The following LDB1 variants were observed in gnomAD, a reference collection of about 807,000 sequenced individuals.
The protein encoded by LDB1 is LIM domain-binding protein 1.
In LDB1, 6 loss-of-function variants were observed where a neutral mutation model predicts 49.7. The observed-to-expected ratio is 0.12, with a 90% confidence interval of 0.07 to 0.24. LDB1 has a LOEUF of 0.24. Among genes scored for constraint, LDB1 ranks in the 10% least tolerant of loss-of-function variants. LDB1 has a pLI of 1.00. For missense variants in LDB1, 341 were observed against 561.7 expected, an observed-to-expected ratio of 0.61 and a Z score of 3.97; for synonymous variants, 233 against 202.0, an observed-to-expected ratio of 1.15 and a Z score of -1.30.
At chr10:102,121,128 T>G (rs886380478), upstream of LDB1, among the ~76,000 whole-genome samples, 7 of 152,062 alleles carry the variant, frequency 4.6e-5, no homozygotes, top group African/African-American at 1.7e-4. Context: ...GGGCTTGGGA[T>G]CTGTGTTTTG....
downstream of LDB1, among the ~76,000 whole-genome samples, chr10:102,103,527 G>T (rs1185736485): frequency 1.3e-5 from 2 of 151,946 alleles, no homozygotes; most frequent in African/African-American, 2.4e-5. Context: ...TAGAGATGAG[G>T]TCTCGGTTGG....
intron 6 of LDB1, 147 bp downstream of exon 6, chr10:102,110,382 T>G (rs1260553082): frequency 2.8e-5 from 22 of 778,872 alleles, no homozygotes. Context: ...ACATGTTTGC[T>G]GACGGTTGCA....
At chr10:102,120,508 G>A, upstream of LDB1, 3 of 439,756 alleles carry the variant, frequency 6.8e-6, no homozygotes, top group Non-Finnish European at 9.1e-6. Flanking sequence ...GGGCAGGGCC[G>A]GGCTTTATTA....
chr10:102,111,844 C>G (rs2068259879), intron 1 of LDB1, among the ~76,000 whole-genome samples: 1 of 152,098 alleles, frequency 6.6e-6, no homozygotes, highest in Non-Finnish European at 1.5e-5. Flanking sequence ...GAGTGAGACC[C>G]TGTCTCAAAA....
At chr10:102,103,177 A>G (rs2068131919), downstream of LDB1, among the ~76,000 whole-genome samples, 1 of 151,956 alleles carries the variant, frequency 6.6e-6, no homozygotes, top group Admixed American at 6.6e-5. Context: ...CTTCAGGTGC[A>G]TGATCATGCC....
chr10:102,107,795 G>A lies in LDB1; in HGVS notation c.*298C>T, dbSNP rs2068185982. 4.4e-6 allele frequency: 2 copies of A among 457,248 alleles called. No individual in the cohort carries two copies. The highest frequency in any genetic ancestry group is 6.0e-4 in the Middle Eastern group (1 of 1,666). 28.3% of individuals were successfully genotyped at this position (457,248 alleles called of 1,614,324 possible). ...TGGGAAACCCACAATCTGGGGTGAAGATGGAGGCAAATGCCCTGGGGGGTG... is the reference window on the plus strand; with the variant it reads ...TGGGAAACCCACAATCTGGGGTGAAAATGGAGGCAAATGCCCTGGGGGGTG... On this transcript the variant is annotated 3_prime_UTR_variant, in exon 11 of 11. Coordinates refer to ENST00000673968, the MANE Select transcript of LDB1 (RefSeq NM_001113407.3).
chr10:102,120,027 G>T, intron 1 of LDB1, 59 bp downstream of exon 1: 1 of 1,318,628 alleles, frequency 7.6e-7, no homozygotes, highest in Non-Finnish European at 1.0e-6. Context: ...AACACGGGGT[G>T]AGGGGTCCGC....
chr10:102,102,567 A>G (rs2068129060), downstream of LDB1, among the ~76,000 whole-genome samples: 1 of 152,166 alleles, frequency 6.6e-6, no homozygotes, highest in Non-Finnish European at 1.5e-5. Flanking sequence ...TGGGAAAATG[A>G]GCCTCTCCTG....
chr10:102,114,279 T>C, intron 1 of LDB1: 1 of 947,440 alleles, frequency 1.1e-6, no homozygotes, highest in Non-Finnish European at 1.3e-6. Flanking sequence ...TGGCCACAGG[T>C]CAGCAGGCCT....
downstream of LDB1, among the ~76,000 whole-genome samples, chr10:102,104,908 T>C (rs1209139985): frequency 2.0e-5 from 3 of 152,188 alleles, no homozygotes; most frequent in Non-Finnish European, 4.4e-5. Context: ...TTCTCTGCTT[T>C]GTTCAACATC....
chr10:102,111,745 G>C (rs572378173), intron 1 of LDB1, among the ~76,000 whole-genome samples: 1 of 152,244 alleles, frequency 6.6e-6, no homozygotes, highest in East Asian at 1.9e-4. Context: ...CAGCTACTTG[G>C]GAGGCTGAGG....
chr10:102,121,326 G>A (rs1409555013), upstream of LDB1, among the ~76,000 whole-genome samples: 4 of 152,146 alleles, frequency 2.6e-5, no homozygotes, highest in Admixed American at 2.6e-4. Context: ...CCCCTGCCTG[G>A]AAGCTGCTGT....
Position 102,114,302 on chromosome 10 carries a change from G to A in LDB1, c.26-2766C>T, listed in dbSNP as rs567684410. ...GGTCAGCAGGCCTGAGCGCCCCGGC[G>A]GCTCTGGGCTGGGGCACCTCTCCCC... is the stretch of plus-strand genomic sequence containing the variant. On this transcript the variant is annotated intron_variant, in intron 1 of 10. Coordinates refer to ENST00000673968, the MANE Select transcript of LDB1 (RefSeq NM_001113407.3). 76 of 982,304 alleles carry A rather than the reference G, an allele frequency of 7.7e-5. No homozygotes were observed. The South Asian group carries it at 3.2e-3, about 41-fold the overall frequency. The allele number at this position is 982,304 out of a possible 1,614,324, so 60.8% of individuals were successfully genotyped here.
chr10:102,108,063 C>G lies in LDB1; in HGVS notation c.*30G>C. On this transcript the variant is annotated 3_prime_UTR_variant, in exon 11 of 11. Coordinates refer to ENST00000673968, the MANE Select transcript of LDB1 (RefSeq NM_001113407.3). Reference sequence around the variant, plus strand: ...GGCTGTGAGGGGTGGGGCAGGTAGGCAGAGCACTGGGTGGCCACAGCAGGG... The same window carrying G: ...GGCTGTGAGGGGTGGGGCAGGTAGGGAGAGCACTGGGTGGCCACAGCAGGG... 1 of 1,538,886 alleles carries G rather than the reference C, an allele frequency of 6.5e-7. No homozygotes were observed. The highest frequency in any genetic ancestry group is 9.0e-7 in the Non-Finnish European group (1 of 1,113,158).
chr10:102,111,490 CG>C lies in LDB1; in HGVS notation c.71del (p.Pro24ArgfsTer81). On this transcript the variant is annotated frameshift_variant, in exon 2 of 11. Coordinates refer to ENST00000673968, the MANE Select transcript of LDB1 (RefSeq NM_001113407.3). LOFTEE classifies it high-confidence loss of function. ...GGAAGGGGGGAAAGGCGTTGCCGTT[CG>C]GGGGCTCCTTCGGCGAGTACAGCTT... ...SFKLYSPKEP[P>X]NGNAFPPFHP... is the part of the protein sequence containing the mutation. 6.4e-7 allele frequency: 1 copy of C among 1,556,808 alleles called. No individual in the cohort carries two copies. Among genetic ancestry groups the C allele is most frequent in the Non-Finnish European group, 8.7e-7 (1 of 1,151,320 alleles).
At chr10:102,115,301 C>T (rs187377579) in intron 1 of LDB1, among the ~76,000 whole-genome samples, 1 of 152,198 alleles carries the variant, frequency 6.6e-6, no homozygotes, top group Non-Finnish European at 1.5e-5. Flanking sequence ...TGGAGGAGGG[C>T]GGGCTCCTCT....
chr10:102,111,147 G>C lies in LDB1; in HGVS notation c.174-3C>G. 6.2e-7 allele frequency: 1 copy of C among 1,613,948 alleles called. No individual in the cohort carries two copies. Among genetic ancestry groups the C allele is most frequent in the Non-Finnish European group, 8.5e-7 (1 of 1,179,844 alleles). On this transcript the variant is annotated splice_polypyrimidine_tract_variant and splice_region_variant and intron_variant, in intron 3 of 10. Coordinates refer to ENST00000673968, the MANE Select transcript of LDB1 (RefSeq NM_001113407.3). ...GGTTGCCATATGGTGTGTGCCTCCT[G>C]GAGGAAGTGAAGGAGAGAGGTCAGT...
chr10:102,115,953 G>C (rs980997257), intron 1 of LDB1, among the ~76,000 whole-genome samples: 3 of 151,856 alleles, frequency 2.0e-5, no homozygotes, highest in Non-Finnish European at 4.4e-5. Context: ...CACACGGGAA[G>C]GGGGAGCACG....
Position 102,120,083 on chromosome 10 carries a change from C to T in LDB1, c.25+3G>A, listed in dbSNP as rs113678442. 1 of 1,443,218 alleles carries T rather than the reference C, an allele frequency of 6.9e-7. No homozygotes were observed. Among genetic ancestry groups the T allele is most frequent in the Non-Finnish European group, 9.2e-7 (1 of 1,091,268 alleles). The allele number at this position is 1,443,218 out of a possible 1,614,324, so 89.4% of individuals were successfully genotyped here. ...GGGCCGAGTGGCCGCACGCCCCACT[C>T]ACCAGGACAGGCACAGCCCACTGAC... On this transcript the variant is annotated splice_donor_region_variant and intron_variant, in intron 1 of 10. Transcript: ENST00000673968.
Sources: allele counts gnomAD v4.1 joint callset (sites outside exome capture counted in the v4.1 genomes callset), GRCh38; gene constraint gnomAD v4.1.1; transcripts MANE v1.5; gene names NCBI Gene and HGNC (gene_info 2026-07-23, HGNC 2026-07-21).